The following EFCC1 variants were observed in gnomAD, a reference collection of about 807,000 sequenced individuals.
EFCC1 encodes EF-hand and coiled-coil domain-containing protein 1.
In EFCC1, 50 loss-of-function variants were observed where a neutral mutation model predicts 52.1. The ratio of observed to expected loss-of-function variants is 0.96; its 90% CI spans 0.76 to 1.21. The LOEUF is 1.21. Ranked by LOEUF, EFCC1 falls within the 50% of genes most tolerant of loss-of-function variation. The pLI, the probability that EFCC1 is intolerant of heterozygous loss-of-function variation, is 0.00. For missense variants in EFCC1, 837 were observed against 867.3 expected (o/e 0.97, Z 0.44); for synonymous variants, 399 against 396.5 (o/e 1.01, Z -0.08).
At chr3:129,007,292 A>C (rs1945114865) in intron 2 of EFCC1, among the ~76,000 whole-genome samples, 1 of 152,232 alleles carries the variant, frequency 6.6e-6, no homozygotes, top group South Asian at 2.1e-4. Flanking sequence ...TATTGAGCTG[A>C]ATCAGCCCCG....
Position 129,003,983 on chromosome 3 carries a change from C to G in EFCC1, c.886C>G (p.Leu296Val). 3 of 1,497,640 alleles carry G rather than the reference C, an allele frequency of 2.0e-6. No individual in the cohort carries two copies. Among genetic ancestry groups the G allele is most frequent in the African/African-American group, 2.9e-5 (2 of 68,996 alleles). 92.8% of individuals were successfully genotyped at this position (1,497,640 alleles called of 1,614,324 possible). A position where few individuals can be genotyped will look rare whatever the true frequency, so the allele number is the denominator to read the frequency against. Residue 296 changes from leucine to valine, a missense_variant, in exon 2 of 8, where the codon CTG becomes GTG. Transcript: ENST00000683648. ...GGCCCGGCAGGTGGTGCTGCGCAGC[C>G]TGCACCGCGTGCGAGAGCTGGAGGC... Reference protein sequence around the residue: ...EEARQVVLRSLHRVRELEALA... With the variant: ...EEARQVVLRSVHRVRELEALA...
At chr3:129,003,376 C>T in intron 1 of EFCC1, 1 of 780,240 alleles carries the variant, frequency 1.3e-6, no homozygotes, top group African/African-American at 1.9e-5. Context: ...CCCTCAAAAG[C>T]CTCTAGTGAG....
chr3:129,026,143 T>A (rs1190228476), intron 2 of EFCC1, among the ~76,000 whole-genome samples: 1 of 152,210 alleles, frequency 6.6e-6, no homozygotes, highest in African/African-American at 2.4e-5. Context: ...TTTCAGAACA[T>A]TCTGAAGGGT....
intron 2 of EFCC1, among the ~76,000 whole-genome samples, chr3:129,016,458 A>G (rs1342788693): frequency 6.6e-6 from 1 of 151,824 alleles, no homozygotes; most frequent in Non-Finnish European, 1.5e-5. Flanking sequence ...CCTGAAGTCC[A>G]CAAAAGGGAA....
intron 2 of EFCC1, among the ~76,000 whole-genome samples, chr3:129,012,032 A>C (rs1430866564): frequency 6.6e-6 from 1 of 152,206 alleles, no homozygotes; most frequent in Non-Finnish European, 1.5e-5. Flanking sequence ...GTTGGAAATA[A>C]GCTTCAGCCT....
At chr3:129,033,305 G>A (rs1576782996) in intron 4 of EFCC1, among the ~76,000 whole-genome samples, 2 of 152,222 alleles carry the variant, frequency 1.3e-5, no homozygotes, top group South Asian at 4.1e-4. Flanking sequence ...CATTTCCACA[G>A]CTCTCCAGCC....
intron 2 of EFCC1, among the ~76,000 whole-genome samples, chr3:129,004,374 C>A (rs1419603092): frequency 7.6e-6 from 1 of 131,272 alleles, no homozygotes. Context: ...ACTCACCCCC[C>A]CCACCCACCC....
chr3:129,012,876 T>C (rs1239834864), intron 2 of EFCC1, among the ~76,000 whole-genome samples: 2 of 152,110 alleles, frequency 1.3e-5, no homozygotes, highest in Non-Finnish European at 2.9e-5. Context: ...AGAGCGGGCA[T>C]TGGGCATTTT....
intron 2 of EFCC1, among the ~76,000 whole-genome samples, chr3:129,020,053 GC>G (rs1198268704): frequency 6.6e-6 from 1 of 152,146 alleles, no homozygotes; most frequent in Non-Finnish European, 1.5e-5. Context: ...ACAGGTATGA[GC>G]CATCGCAACC....
rs1016410806 is a variant in EFCC1, at chr3:129,001,619, C to T, written c.-10C>T. 7.4e-7 allele frequency: 1 copy of T among 1,351,192 alleles called. No individual in the cohort carries two copies. The highest frequency in any genetic ancestry group is 9.5e-7 in the Non-Finnish European group (1 of 1,056,768). 83.7% of individuals were successfully genotyped at this position (1,351,192 alleles called of 1,614,324 possible). The stretch of plus-strand genomic sequence containing the variant: ...GGAGGGACCGGAGGAGCGAGGCGCG[C>T]GGCGCAGCGATGGAGCCGGTCAGCA... On this transcript the variant is annotated 5_prime_UTR_variant, in exon 1 of 8. Transcript: ENST00000683648.
In EFCC1 at chr3:129,002,301, G is replaced by T; in HGVS notation, c.673G>T (p.Asp225Tyr). Residue 225 changes from aspartate (D) to tyrosine (Y), a missense_variant, in exon 1 of 8, where the codon GAT becomes TAT. Physicochemically the swap from Asp to Tyr is radical, Grantham distance 160. Coordinates refer to ENST00000683648, the MANE Select transcript of EFCC1 (RefSeq NM_001377500.1). ...CCTGCGCGCCGCGCTGCAGAGCAGT[G>T]ATGCGCGCTGCCTAGCACTGCAGGT... ...EDLRAALQSS[D>Y]ARCLALQVGL... The T allele has an allele frequency of 6.6e-7, 1 of 1,526,392 alleles. No individual in the cohort carries two copies. Among genetic ancestry groups the T allele is most frequent in the Non-Finnish European group, 8.7e-7 (1 of 1,143,276 alleles). The allele number at this position is 1,526,392 out of a possible 1,614,324, so 94.6% of individuals were successfully genotyped here.
chr3:129,026,599 C>T (rs1210156495), intron 2 of EFCC1, among the ~76,000 whole-genome samples: 1 of 152,194 alleles, frequency 6.6e-6, no homozygotes, highest in Non-Finnish European at 1.5e-5. Context: ...CCCATCTTTG[C>T]TGTCTCACCC....
chr3:129,002,570 A>C (rs1200030081), intron 1 of EFCC1: 5 of 673,882 alleles, frequency 7.4e-6, no homozygotes, highest in Non-Finnish European at 1.1e-5. Flanking sequence ...TCAAACAACC[A>C]TACCCCACTT....
chr3:129,035,623 C>A (rs879796250), intron 5 of EFCC1, among the ~76,000 whole-genome samples: 274 of 152,336 alleles, frequency 1.8e-3, no homozygotes, highest in Non-Finnish European at 3.0e-3. Context: ...CATTACAGGG[C>A]AAGCCAGTGT....
At position 129,040,338 on chromosome 3, in the gene EFCC1, G is replaced by T. The variant is rs780170363; in HGVS notation, c.*490G>T. 64 of 155,610 alleles carry T rather than the reference G, an allele frequency of 4.1e-4. 1 individual carries two copies. The highest frequency in any genetic ancestry group is 6.7e-4 in the Non-Finnish European group (47 of 70,426). The allele number at this position is 155,610 out of a possible 1,614,324, so 9.6% of individuals were successfully genotyped here. ...AGCACTCCACACCCCAGGAAATGTTGATGACTAGGAAAGGCTGAGGGAATT... is the reference window on the plus strand; with the variant it reads ...AGCACTCCACACCCCAGGAAATGTTTATGACTAGGAAAGGCTGAGGGAATT... On this transcript the variant is annotated 3_prime_UTR_variant, in exon 8 of 8. Coordinates refer to ENST00000683648, the MANE Select transcript of EFCC1 (RefSeq NM_001377500.1). The surrounding 1 kb of genome is among the most constrained non-coding windows in gnomAD (Gnocchi z 4.4).
chr3:129,035,774 C>T (rs1177310656), intron 5 of EFCC1, among the ~76,000 whole-genome samples: 1 of 152,196 alleles, frequency 6.6e-6, no homozygotes, highest in African/African-American at 2.4e-5. Context: ...CGGTTATGTG[C>T]TGAAGCCAGA....
intron 2 of EFCC1, among the ~76,000 whole-genome samples, chr3:129,028,767 C>T (rs543708376): frequency 2.6e-5 from 4 of 151,968 alleles, no homozygotes; most frequent in East Asian, 1.9e-4. Context: ...CTTGGCCTCC[C>T]GAGTAGCTGG....
At chr3:129,003,716 C>A in intron 1 of EFCC1, 78 bp from the exon 2 acceptor site, 2 of 1,245,624 alleles carry the variant, frequency 1.6e-6, no homozygotes, top group Non-Finnish European at 1.0e-6. Flanking sequence ...AGGCATGGGG[C>A]CGCCGTCGTG....
chr3:129,037,058 TCC>T lies in EFCC1; in HGVS notation c.1536_1537del (p.Leu513AlafsTer126). On this transcript the variant is annotated frameshift_variant, in exon 6 of 8. Transcript: ENST00000683648. LOFTEE classifies it high-confidence loss of function. The part of the protein sequence containing the change: ...QMVETERVRL[S>X]LLEEKLVDVL... ...GGTAGAGACCGAGAGGGTGCGGCTGTCCCTGCTGGAGGAGAAGCTGGTGGACG... is the reference window on the plus strand; with the variant it reads ...GGTAGAGACCGAGAGGGTGCGGCTGTCTGCTGGAGGAGAAGCTGGTGGACG... The T allele has an allele frequency of 6.2e-7, 1 of 1,613,474 alleles. No homozygotes were observed.
Sources: allele counts gnomAD v4.1 joint callset (sites outside exome capture counted in the v4.1 genomes callset), GRCh38; gene constraint gnomAD v4.1.1; non-coding constraint Gnocchi (gnomAD v3.1); transcripts MANE v1.5; gene names NCBI Gene and HGNC (gene_info 2026-07-23, HGNC 2026-07-21).